Variants in DNHD1 observed in about 807,000 individuals in gnomAD.
DNHD1 encodes the protein dynein heavy chain domain-containing protein 1.
A neutral mutation model predicts 458.1 loss-of-function variants in DNHD1; 383 were observed. That is an observed-to-expected ratio of 0.84 (90% CI 0.77 to 0.91). The LOEUF (loss-of-function observed/expected upper bound fraction) is 0.91, where lower values mean the gene tolerates loss of function less well. DNHD1 is among the 40% of genes least tolerant of loss of function. The probability of loss-of-function intolerance (pLI) is 0.00; values close to 1 mark genes in which losing one functional copy is unlikely to be tolerated. For missense variants in DNHD1, 5,336 were observed against 5,866.1 expected (o/e 0.91, Z 2.95); for synonymous variants, 2,203 against 2,376.9 (o/e 0.93, Z 2.13).
Position 6,533,090 on chromosome 11 carries a change from T to G in DNHD1, c.2411T>G (p.Leu804Arg), listed in dbSNP as rs533449697. ...LAHVQNECWN[L>R]SQQLMTELTD... is the part of the protein sequence containing the mutation. ...CACGTGCAAAATGAGTGCTGGAACC[T>G]CAGTCAACAACTCATGACAGAGCTC... Residue 804 changes from leucine to arginine, a missense_variant, in exon 13 of 43, where the codon CTC becomes CGC. This residue lies in a region of DNHD1 where 3,932 missense variants were observed against 4,365.6 expected (regional missense o/e 0.90). Coordinates refer to ENST00000254579, the MANE Select transcript of DNHD1 (RefSeq NM_144666.3). 7.7e-6 allele frequency: 12 copies of G among 1,551,650 alleles called. No homozygotes were observed. The South Asian group carries it at 1.3e-4, about 17-fold the overall frequency.
At chr11:6,514,558 T>A (rs1195125351) in intron 7 of DNHD1, among the ~76,000 whole-genome samples, 3 of 142,888 alleles carry the variant, frequency 2.1e-5, no homozygotes, top group African/African-American at 7.6e-5. Context: ...CCTCTCTTCC[T>A]CCCTCCCTCC....
At chr11:6,524,746 C>T (rs1201010673) in intron 10 of DNHD1, among the ~76,000 whole-genome samples, 2 of 152,060 alleles carry the variant, frequency 1.3e-5, no homozygotes, top group Admixed American at 6.5e-5. Context: ...TGGCTATAAA[C>T]GTCTATTATA....
chr11:6,568,743 A>G lies in DNHD1; in HGVS notation c.12740A>G (p.Glu4247Gly). ...GGCCATGTTTTGATTGACAGTGTGG[A>G]GCTAGCCCAGCAAGTACTCTACATG... ...ELGHVLIDSV[E>G]LAQQVLYMQP... The change falls in exon 39 of 43, where the codon GAG (glutamate) becomes GGG (glycine). Residue 4247 changes from glutamate to glycine, a missense_variant. Physicochemically the swap from Glu to Gly is moderately conservative, Grantham distance 98. Coordinates refer to ENST00000254579, the MANE Select transcript of DNHD1 (RefSeq NM_144666.3). 1.2e-6 allele frequency: 2 copies of G among 1,613,578 alleles called. No individual in the cohort carries two copies. Among genetic ancestry groups the G allele is most frequent in the Non-Finnish European group, 1.7e-6 (2 of 1,179,796 alleles).
chr11:6,538,833 G>A (rs1451802679), intron 16 of DNHD1, 23 bp downstream of exon 16: 2 of 1,475,410 alleles, frequency 1.4e-6, no homozygotes, highest in African/African-American at 2.8e-5. Flanking sequence ...AATGTCAGAG[G>A]AGGGGGAAAG....
intron 18 of DNHD1, among the ~76,000 whole-genome samples, chr11:6,540,347 C>A (rs1223354963): frequency 6.6e-6 from 1 of 152,084 alleles, no homozygotes; most frequent in Non-Finnish European, 1.5e-5. Flanking sequence ...TGGGTACCCT[C>A]AGAAATTCCT....
intron 14 of DNHD1, among the ~76,000 whole-genome samples, chr11:6,535,984 A>G (rs1244163475): frequency 1.3e-5 from 2 of 152,240 alleles, no homozygotes; most frequent in East Asian, 3.8e-4. Context: ...GTGATTAAAA[A>G]TTAACATCAC....
chr11:6,498,027 A>T lies in DNHD1; in HGVS notation c.-189A>T. The T allele has an allele frequency of 1.4e-6, 1 of 738,730 alleles. No individual in the cohort carries two copies. The highest frequency in any genetic ancestry group is 2.3e-6 in the Non-Finnish European group (1 of 441,796). 45.8% of individuals were successfully genotyped at this position (738,730 alleles called of 1,614,324 possible). A position where few individuals can be genotyped will look rare whatever the true frequency, so the allele number is the denominator to read the frequency against. On this transcript the variant is annotated 5_prime_UTR_variant, in exon 3 of 43. Transcript: ENST00000254579. ...GTAGCTCCATCTATTTCCCTGTCCC[A>T]GGTCCTTTCTTCCTCCTAACCCCAT...
chr11:6,537,841 G>C (rs1852990810), intron 14 of DNHD1, among the ~76,000 whole-genome samples: 1 of 152,142 alleles, frequency 6.6e-6, no homozygotes, highest in South Asian at 2.1e-4. Context: ...TGAGGCAGGA[G>C]AATCACTTGA....
chr11:6,570,779 G>A lies in DNHD1; in HGVS notation c.13267G>A (p.Val4423Met), dbSNP rs1422055452. Residue 4423 changes from valine (V) to methionine (M), a missense_variant, in exon 42 of 43, where the codon GTG (valine) becomes ATG (methionine). Val to Met is a conservative substitution (Grantham distance 21). Coordinates refer to ENST00000254579, the MANE Select transcript of DNHD1 (RefSeq NM_144666.3). ...LLSALQRSSP[V>M]WVPESRRGAQ... Reference sequence around the variant, plus strand: ...GAGTGCGCTGCAGCGGAGTTCACCCGTGTGGGTTCCTGAGTCTCGAAGAGG... The same window carrying A: ...GAGTGCGCTGCAGCGGAGTTCACCCATGTGGGTTCCTGAGTCTCGAAGAGG... The A allele has an allele frequency of 1.9e-6, 3 of 1,613,296 alleles. No individual in the cohort carries two copies. The highest frequency in any genetic ancestry group is 1.1e-5 in the South Asian group (1 of 90,996).
Position 6,570,022 on chromosome 11 carries a change from C to G in DNHD1, c.12877C>G (p.Leu4293Val). Residue 4293 changes from leucine to valine, a missense_variant, in exon 40 of 43, where the codon CTA becomes GTA. Physicochemically the swap from Leu to Val is conservative, Grantham distance 32. This residue lies in a region of DNHD1 where 698 missense variants were observed against 664.9 expected (regional missense o/e 1.05). Coordinates refer to ENST00000254579, the MANE Select transcript of DNHD1 (RefSeq NM_144666.3). ...AHRGRWSQVTLTQVLQTQDQL... is the reference protein window; with the variant it reads ...AHRGRWSQVTVTQVLQTQDQL... The stretch of plus-strand genomic sequence containing the variant: ...CCCCTTCTCTAGGAGTCAAGTGACT[C>G]TAACCCAGGTTCTTCAGACCCAAGA... 1.2e-6 allele frequency: 2 copies of G among 1,613,932 alleles called. No individual in the cohort carries two copies. Among genetic ancestry groups the G allele is most frequent in the Non-Finnish European group, 1.7e-6 (2 of 1,179,850 alleles).
intron 13 of DNHD1, 29 bp downstream of exon 13, chr11:6,533,213 T>A: frequency 6.5e-7 from 1 of 1,547,882 alleles, no homozygotes. Flanking sequence ...TCCTTCCCAG[T>A]TTATTCAGGG....
chr11:6,559,237 C>T lies in DNHD1; in HGVS notation c.9473C>T (p.Ala3158Val), dbSNP rs1395867349. The T allele has an allele frequency of 6.4e-7, 1 of 1,551,676 alleles. No individual in the cohort carries two copies. ...CTGATTAAGGAGCACGGTACCCATG[C>T]CAATCTGATCTTTGACTTGGAACAG... ...RMLIKEHGTHANLIFDLEQQL... is the reference protein window; with the variant it reads ...RMLIKEHGTHVNLIFDLEQQL... The change falls in exon 28 of 43, where the codon GCC (alanine) becomes GTC (valine). Residue 3158 changes from alanine to valine, a missense_variant. By Grantham distance (64) the Ala-to-Val change is moderately conservative (BLOSUM62 0). Around this residue, in one of 4 missense-constraint regions of DNHD1, gnomAD observed 3,932 missense variants for 4,365.6 expected, o/e 0.90. Transcript: ENST00000254579.
At chr11:6,554,448 C>T (rs1178792221) in intron 24 of DNHD1, among the ~76,000 whole-genome samples, 1 of 151,986 alleles carries the variant, frequency 6.6e-6, no homozygotes, top group African/African-American at 2.4e-5. Context: ...TAAATTTTAT[C>T]AAAATTGAAA....
chr11:6,531,947 A>G (rs909221288), intron 12 of DNHD1, among the ~76,000 whole-genome samples: 18 of 152,178 alleles, frequency 1.2e-4, no homozygotes, highest in Non-Finnish European at 1.9e-4. Context: ...AATGAAGTGG[A>G]GCCATGCTGC....
intron 4 of DNHD1, among the ~76,000 whole-genome samples, chr11:6,506,861 C>A (rs923134293): frequency 9.2e-5 from 14 of 152,272 alleles, no homozygotes; most frequent in African/African-American, 3.4e-4. Flanking sequence ...ATGATGTATC[C>A]TCAGGGCTTA....
chr11:6,531,678 G>A lies in DNHD1; in HGVS notation c.2348-1349G>A, dbSNP rs145325000. Among the ~76,000 whole-genome samples, 12 of 152,154 alleles carry A rather than the reference G, an allele frequency of 7.9e-5. No individual in the cohort carries two copies. In the East Asian group the frequency reaches 2.3e-3, roughly 29 times the overall value. On this transcript the variant is annotated intron_variant, in intron 12 of 42. Transcript: ENST00000254579. Reference sequence around the variant, plus strand: ...TCCCTCAATAGGCTTCCTCTCAGCAGGTTTTCTTATTATCAGGTCTTAGTA... The same window carrying A: ...TCCCTCAATAGGCTTCCTCTCAGCAAGTTTTCTTATTATCAGGTCTTAGTA...
Position 6,498,949 on chromosome 11 carries a change from G to T in DNHD1, c.734G>T (p.Arg245Ile), listed in dbSNP as rs1369442130. The part of the protein sequence containing the change: ...TDNAEVEPVG[R>I]KETRSQLDYE... ...AATGCAGAGGTGGAGCCTGTTGGAA[G>T]AAAAGAGACCAGGTAAGTGAGGGAC... Residue 245 changes from arginine (R) to isoleucine (I), a missense_variant, in exon 3 of 43, where the codon AGA becomes ATA. Physicochemically the swap from Arg to Ile is moderately conservative, Grantham distance 97. Transcript: ENST00000254579. 1 of 1,602,084 alleles carries T rather than the reference G, an allele frequency of 6.2e-7. No individual in the cohort carries two copies. Among genetic ancestry groups the T allele is most frequent in the Non-Finnish European group, 8.5e-7 (1 of 1,173,612 alleles).
chr11:6,539,094 G>T, intron 16 of DNHD1, 125 bp from the exon 17 acceptor site: 1 of 713,956 alleles, frequency 1.4e-6, no homozygotes, highest in Non-Finnish European at 2.4e-6. Flanking sequence ...GCTCTGTGTT[G>T]TGCTCTGAGA....
At position 6,547,376 on chromosome 11, in the gene DNHD1, G is replaced by C. The variant is rs549266191; in HGVS notation, c.6437G>C (p.Trp2146Ser). The change falls in exon 21 of 43, where the codon TGG becomes TCG. Residue 2146 changes from tryptophan to serine, a missense_variant. Trp to Ser is a radical substitution (Grantham distance 177). Around this residue, in one of 4 missense-constraint regions of DNHD1, gnomAD observed 3,932 missense variants for 4,365.6 expected, o/e 0.90. Transcript: ENST00000254579. ...GTGGTAGGCTGTTGTGCCCTAGTCTGGTGTGGTGGAGAGCAGACTTGGCAG... is the reference window on the plus strand; with the variant it reads ...GTGGTAGGCTGTTGTGCCCTAGTCTCGTGTGGTGGAGAGCAGACTTGGCAG... ...PTVVGCCALV[W>S]CGGEQTWQCI... The C allele has an allele frequency of 6.4e-7, 1 of 1,551,744 alleles. No homozygotes were observed. The highest frequency in any genetic ancestry group is 2.4e-5 in the East Asian group (1 of 40,918).
Sources: gnomAD v4.1 joint callset for allele counts (sites outside exome capture counted in the v4.1 genomes callset) on GRCh38, gnomAD v4.1.1 for gene constraint, gnomAD v4.1.1 regional missense constraint, MANE v1.5 for transcripts, NCBI Gene and HGNC (gene_info 2026-07-23, HGNC 2026-07-21) for gene names.